Variants in AMTN observed in about 807,000 individuals in gnomAD.
AMTN encodes RSTI689.
Under a neutral mutation model 27.4 loss-of-function variants are expected in AMTN, and 29 were observed. The ratio of observed to expected loss-of-function variants is 1.06; its 90% CI spans 0.79 to 1.44. AMTN has a LOEUF of 1.44. AMTN is among the 40% of genes most tolerant of loss of function. The pLI is 0.00. For synonymous variants in AMTN, 86 were observed against 95.7 expected (o/e 0.90, Z 0.59); for missense variants, 247 against 248.8 (o/e 0.99, Z 0.05).
chr4:70,518,570 T>C lies in AMTN; in HGVS notation c.-100T>C, dbSNP rs28414132. ...ATTTCTTCTACAAACACATACATCATTGAAGGGTAAAATTTTTCACCAGAG... is the reference window on the plus strand; with the variant it reads ...ATTTCTTCTACAAACACATACATCACTGAAGGGTAAAATTTTTCACCAGAG... On this transcript the variant is annotated 5_prime_UTR_variant, in exon 1 of 9. Coordinates refer to ENST00000339336, the MANE Select transcript of AMTN (RefSeq NM_212557.4). The C allele has an allele frequency of 0.016, 8,573 of 538,646 alleles. 456 individuals carry two copies. The highest frequency in any genetic ancestry group is 0.12 in the African/African-American group (6,144 of 51,912). The allele number at this position is 538,646 out of a possible 1,614,324, so 33.4% of individuals were successfully genotyped here.
intron 4 of AMTN, 136 bp downstream of exon 4, chr4:70,524,069 T>G (rs1736042600): frequency 3.0e-6 from 2 of 661,446 alleles, no homozygotes; most frequent in Non-Finnish European, 4.9e-6. Flanking sequence ...CATAGATAAG[T>G]TGAAAGAGAG....
At chr4:70,529,382 T>C (rs1213451445) in intron 7 of AMTN, among the ~76,000 whole-genome samples, 172 bp downstream of exon 7, 2 of 152,198 alleles carry the variant, frequency 1.3e-5, no homozygotes, top group African/African-American at 4.8e-5. Flanking sequence ...GGGGATTTCA[T>C]TATACTTCTC....
At chr4:70,531,985 A>G (rs1034572694) in intron 8 of AMTN, among the ~76,000 whole-genome samples, 4 of 152,218 alleles carry the variant, frequency 2.6e-5, no homozygotes, top group African/African-American at 9.6e-5. Context: ...GGCATAACAC[A>G]TGTTCCATTT....
intron 2 of AMTN, among the ~76,000 whole-genome samples, chr4:70,520,010 A>T (rs1735917910): frequency 6.6e-6 from 1 of 151,862 alleles, no homozygotes; most frequent in Non-Finnish European, 1.5e-5. Context: ...TATGAAGTTA[A>T]TTTTTTTATA....
rs143976095 is a variant in AMTN, at chr4:70,521,817, A to T, written c.55-938A>T. Among the ~76,000 whole-genome samples the T allele has an allele frequency of 5.3e-5, 8 of 152,030 alleles. No homozygotes were observed. In the East Asian group the frequency reaches 7.8e-4, roughly 15 times the overall value. On this transcript the variant is annotated intron_variant, in intron 2 of 8. Transcript: ENST00000339336. ...ATATTTTTAGTAAAGACAGAGTTTCATCATGTTAGCCAGGCTGGTCCTGAA... is the reference window on the plus strand; with the variant it reads ...ATATTTTTAGTAAAGACAGAGTTTCTTCATGTTAGCCAGGCTGGTCCTGAA...
intron 5 of AMTN, among the ~76,000 whole-genome samples, chr4:70,525,899 CA>C (rs923451279): frequency 1.3e-5 from 2 of 149,052 alleles, no homozygotes; most frequent in Admixed American, 6.7e-5. Flanking sequence ...GATTCTGTCT[CA>C]AAAAAAAAGA....
At chr4:70,531,424 T>G (rs1736222052) in intron 8 of AMTN, 124 bp downstream of exon 8, 12 of 1,262,056 alleles carry the variant, frequency 9.5e-6, no homozygotes, top group Non-Finnish European at 1.3e-5. Flanking sequence ...GCCCCTTTAC[T>G]CACTCACAGT....
chr4:70,528,023 T>C lies in AMTN; in HGVS notation c.295-700T>C, dbSNP rs147689364. Among the ~76,000 whole-genome samples, 423 of 152,274 alleles carry C rather than the reference T, an allele frequency of 2.8e-3. 3 individuals carry two copies. The highest frequency in any genetic ancestry group is 0.022 in the Admixed American group (331 of 15,288). ...GACTAAGTATATATACCTCAAGAAA[T>C]CTTCACATTTGAAAATACCCATCGC... On this transcript the variant is annotated intron_variant, in intron 5 of 8. Coordinates refer to ENST00000339336, the MANE Select transcript of AMTN (RefSeq NM_212557.4).
At chr4:70,528,841 T>C in intron 6 of AMTN, 83 bp downstream of exon 6, 3 of 1,212,386 alleles carry the variant, frequency 2.5e-6, no homozygotes, top group Admixed American at 2.6e-5. Context: ...CACTAGATAG[T>C]TGTGAGGTTT....
chr4:70,522,022 G>C (rs1470694688), intron 2 of AMTN, among the ~76,000 whole-genome samples: 1 of 152,138 alleles, frequency 6.6e-6, no homozygotes, highest in African/African-American at 2.4e-5. Context: ...GAGCCAGAGG[G>C]CCACACCCCT....
chr4:70,523,474 C>A (rs1560572791), intron 3 of AMTN, among the ~76,000 whole-genome samples: 1 of 152,136 alleles, frequency 6.6e-6, no homozygotes, highest in African/African-American at 2.4e-5. Context: ...AAGTCTTCTC[C>A]TCAGTCAACA....
chr4:70,520,729 A>G (rs1032249010), intron 2 of AMTN, among the ~76,000 whole-genome samples: 12 of 152,212 alleles, frequency 7.9e-5, no homozygotes, highest in African/African-American at 2.9e-4. Flanking sequence ...GCACTATGAA[A>G]AAAAGATCCC....
chr4:70,529,188 C>T lies in AMTN; in HGVS notation c.335C>T (p.Thr112Ile), dbSNP rs1389442509. ...IFVTQLGAQG[T>I]ILSSEELPQI... The stretch of plus-strand genomic sequence containing the variant: ...TGTTTGTCATTTTGCTTTTAGGGCA[C>T]TATCCTAAGCTCAGAGGAATTGGTA... Residue 112 changes from threonine to isoleucine, a missense_variant, in exon 7 of 9, where the codon ACT becomes ATT. Physicochemically the swap from Thr to Ile is moderately conservative, Grantham distance 89. Transcript: ENST00000339336. The T allele has an allele frequency of 6.4e-7, 1 of 1,553,862 alleles. No homozygotes were observed. The highest frequency in any genetic ancestry group is 8.6e-7 in the Non-Finnish European group (1 of 1,156,088).
In AMTN at chr4:70,521,866, C is replaced by T. The variant is rs367760181; in HGVS notation, c.55-889C>T. On this transcript the variant is annotated intron_variant, in intron 2 of 8. Transcript: ENST00000339336. ...AACTCCTGACCTCAAGTGGTCCGCC[C>T]GCCTTGGCCTCCCAAAGTGCTGGGA... Among the ~76,000 whole-genome samples the T allele has an allele frequency of 5.3e-5, 8 of 151,930 alleles. No homozygotes were observed. The East Asian group carries it at 7.7e-4, about 15-fold the overall frequency.
chr4:70,524,467 A>C (rs28619152), intron 4 of AMTN, among the ~76,000 whole-genome samples: 27,583 of 152,222 alleles, frequency 0.18, 2,823 homozygotes, highest in African/African-American at 0.26. Context: ...TCCAGACAAA[A>C]TATGTAGTCT....
At chr4:70,526,191 G>A (rs1577933992) in intron 5 of AMTN, among the ~76,000 whole-genome samples, 1 of 152,070 alleles carries the variant, frequency 6.6e-6, no homozygotes, top group East Asian at 1.9e-4. Context: ...CAACATTCTA[G>A]AGTATGTCCT....
Position 70,531,080 on chromosome 4 carries a change from G to T in AMTN, c.399G>T (p.Pro133=). Residue 133 remains proline, a synonymous_variant, in exon 8 of 9, where the codon CCG becomes CCT. Coordinates refer to ENST00000339336, the MANE Select transcript of AMTN (RefSeq NM_212557.4). Reference sequence around the variant, plus strand: ...GCCTCATCATCCATTCCTTGTTCCCGGGAGGCATCCTGCCCACCAGTCAGG... The same window carrying T: ...GCCTCATCATCCATTCCTTGTTCCCTGGAGGCATCCTGCCCACCAGTCAGG... ...FTSLIIHSLF[P]GGILPTSQAG... 6.2e-7 allele frequency: 1 copy of T among 1,613,960 alleles called. No individual in the cohort carries two copies. The highest frequency in any genetic ancestry group is 8.5e-7 in the Non-Finnish European group (1 of 1,179,992).
chr4:70,522,615 T>C (rs1023695468), intron 2 of AMTN, 140 bp from the exon 3 acceptor site: 3 of 818,674 alleles, frequency 3.7e-6, no homozygotes, highest in Non-Finnish European at 4.2e-6. Context: ...GCACATAATG[T>C]TTCAGGGAAT....
At chr4:70,520,933 G>A (rs986368618) in intron 2 of AMTN, among the ~76,000 whole-genome samples, 2 of 152,154 alleles carry the variant, frequency 1.3e-5, no homozygotes, top group African/African-American at 4.8e-5. Context: ...TCTGAAGCAG[G>A]AATGGACTTT....
Sources: gnomAD v4.1 joint callset for allele counts (sites outside exome capture counted in the v4.1 genomes callset) on GRCh38, gnomAD v4.1.1 for gene constraint, MANE v1.5 for transcripts, NCBI Gene and HGNC (gene_info 2026-07-23, HGNC 2026-07-21) for gene names.